Variants in IPCEF1 observed in about 807,000 individuals in gnomAD.
The protein encoded by IPCEF1 is interaction protein for cytohesin exchange factors 1, also known as interactor protein for cytohesin exchange factors 1.
IPCEF1 carries 31 observed loss-of-function variants against 50.9 expected under a neutral mutation model. The observed-to-expected ratio is 0.61, with a 90% CI of 0.46 to 0.82. The LOEUF is 0.82. Among genes scored for constraint, IPCEF1 ranks in the 40% least tolerant of loss-of-function variants. IPCEF1 has a pLI of 0.00. For missense variants in IPCEF1, 458 were observed against 514.0 expected, an observed-to-expected ratio of 0.89 and a Z score of 1.05; for synonymous variants, 181 against 192.0, an observed-to-expected ratio of 0.94 and a Z score of 0.47.
intron 2 of IPCEF1, among the ~76,000 whole-genome samples, chr6:154,269,238 G>T (rs1781834532): frequency 6.6e-6 from 1 of 152,108 alleles, no homozygotes; most frequent in African/African-American, 2.4e-5. Flanking sequence ...TAAAATATTG[G>T]CATCATGAAT....
intron 1 of IPCEF1, among the ~76,000 whole-genome samples, chr6:154,326,891 A>C (rs116880965): frequency 0.028 from 4,330 of 152,282 alleles, 66 homozygotes; most frequent in Middle Eastern, 0.079. Flanking sequence ...AAGAGAAAAG[A>C]GATCTCAGAA....
chr6:154,350,642 C>T (rs1025352549), intron 1 of IPCEF1, among the ~76,000 whole-genome samples: 6 of 152,212 alleles, frequency 3.9e-5, no homozygotes, highest in African/African-American at 1.4e-4. Context: ...AGAAGGGCTC[C>T]ATTGGTTTAT....
At chr6:154,178,255 T>C (rs1800528481) in intron 10 of IPCEF1, among the ~76,000 whole-genome samples, 1 of 152,120 alleles carries the variant, frequency 6.6e-6, no homozygotes, top group African/African-American at 2.4e-5. Context: ...AACCTGCACG[T>C]TGTGCACAAG....
chr6:154,173,760 C>A (rs140066813), intron 10 of IPCEF1, among the ~76,000 whole-genome samples: 6,277 of 152,172 alleles, frequency 0.041, 430 homozygotes, highest in African/African-American at 0.14. Flanking sequence ...AGGATATTAT[C>A]CAGGAGAACT....
chr6:154,195,229 T>C (rs372871802), intron 10 of IPCEF1, among the ~76,000 whole-genome samples: 1 of 145,314 alleles, frequency 6.9e-6, no homozygotes, highest in African/African-American at 2.6e-5. Flanking sequence ...CTCACTGCAA[T>C]CTCCGCCTCC....
At chr6:154,269,633 G>C (rs574934497) in intron 2 of IPCEF1, among the ~76,000 whole-genome samples, 31 of 152,180 alleles carry the variant, frequency 2.0e-4, no homozygotes, top group African/African-American at 7.2e-4. Context: ...ACCATGCCTG[G>C]CCAGTACTTT....
At chr6:154,189,150 G>A (rs1223346371) in intron 10 of IPCEF1, among the ~76,000 whole-genome samples, 2 of 152,186 alleles carry the variant, frequency 1.3e-5, no homozygotes, top group African/African-American at 2.4e-5. Context: ...ATAAAGGTAT[G>A]GGTAAAAGAG....
chr6:154,181,378 C>A (rs979814059), intron 10 of IPCEF1, among the ~76,000 whole-genome samples: 2 of 152,116 alleles, frequency 1.3e-5, no homozygotes, highest in Admixed American at 6.5e-5. Context: ...TCTTTTAACA[C>A]TTCTATGAGA....
chr6:154,241,345 A>C (rs930893869), intron 5 of IPCEF1, among the ~76,000 whole-genome samples: 40 of 152,076 alleles, frequency 2.6e-4, no homozygotes, highest in African/African-American at 9.4e-4. Flanking sequence ...ATGCAATGGC[A>C]CACATGGTGT....
chr6:154,164,466 G>A (rs1799266004), intron 11 of IPCEF1, among the ~76,000 whole-genome samples: 1 of 152,206 alleles, frequency 6.6e-6, no homozygotes, highest in South Asian at 2.1e-4. Context: ...CAGGCATCCT[G>A]GGGCTGGGCC....
intron 2 of IPCEF1, among the ~76,000 whole-genome samples, chr6:154,285,488 TA>T (rs1248342432): frequency 6.6e-6 from 1 of 152,130 alleles, no homozygotes; most frequent in Non-Finnish European, 1.5e-5. Context: ...AGCTAAAATT[TA>T]AAAAAAGCAA....
intron 1 of IPCEF1, among the ~76,000 whole-genome samples, chr6:154,324,551 T>C (rs932501671): frequency 2.0e-5 from 3 of 152,202 alleles, no homozygotes; most frequent in Non-Finnish European, 4.4e-5. Flanking sequence ...CTCACACCTG[T>C]AATCCCAATA....
intron 2 of IPCEF1, among the ~76,000 whole-genome samples, chr6:154,284,976 G>A (rs1367468225): frequency 6.6e-6 from 1 of 152,082 alleles, no homozygotes; most frequent in Non-Finnish European, 1.5e-5. Flanking sequence ...CTCCAGCCTG[G>A]GTGATAGAGT....
At chr6:154,312,503 C>T (rs932178912) in intron 1 of IPCEF1, among the ~76,000 whole-genome samples, 2 of 152,064 alleles carry the variant, frequency 1.3e-5, no homozygotes, top group African/African-American at 4.8e-5. Context: ...CGCACCACCA[C>T]ACCCGGCTAA....
chr6:154,212,400 A>G (rs1778034559), intron 9 of IPCEF1, among the ~76,000 whole-genome samples: 1 of 151,884 alleles, frequency 6.6e-6, no homozygotes, highest in Non-Finnish European at 1.5e-5. Flanking sequence ...TTCATTTTGC[A>G]TTGTTATAGT....
chr6:154,255,540 G>A (rs1055019498), intron 3 of IPCEF1, among the ~76,000 whole-genome samples: 7 of 152,110 alleles, frequency 4.6e-5, no homozygotes, highest in Admixed American at 3.3e-4. Context: ...TCAATCCTCT[G>A]AGTGAAGCTT....
intron 1 of IPCEF1, among the ~76,000 whole-genome samples, chr6:154,347,026 G>T (rs1338652913): frequency 1.3e-5 from 2 of 152,092 alleles, no homozygotes; most frequent in African/African-American, 4.8e-5. Flanking sequence ...GCTTTGATCT[G>T]GAAGTGTCTT....
rs566296230 is a variant in IPCEF1, at chr6:154,223,357, A to G, written c.247-114T>C. 4 of 797,282 alleles carry G rather than the reference A, an allele frequency of 5.0e-6. No individual in the cohort carries two copies. The African/African-American group carries it at 5.1e-5, about 10-fold the overall frequency. 49.4% of individuals were successfully genotyped at this position (797,282 alleles called of 1,614,324 possible). On this transcript the variant is annotated intron_variant, in intron 5 of 11. Transcript: ENST00000367220. Reference sequence around the variant, plus strand: ...ATAAATGACATGAGGGAGAATCAAGAGATACCAACCACCCTGAATCACCAT... The same window carrying G: ...ATAAATGACATGAGGGAGAATCAAGGGATACCAACCACCCTGAATCACCAT...
chr6:154,182,972 C>T (rs1372817025), intron 10 of IPCEF1, among the ~76,000 whole-genome samples: 1 of 148,922 alleles, frequency 6.7e-6, no homozygotes, highest in East Asian at 1.9e-4. Flanking sequence ...AATAAATGCC[C>T]TTATCTTTTT....
Sources: gnomAD v4.1 joint callset for allele counts (sites outside exome capture counted in the v4.1 genomes callset) on GRCh38, gnomAD v4.1.1 for gene constraint, MANE v1.5 for transcripts, NCBI Gene and HGNC (gene_info 2026-07-23, HGNC 2026-07-21) for gene names.